Variants in HEATR9 observed in about 807,000 individuals in gnomAD.
HEATR9 encodes the protein protein HEATR9.
Under a neutral mutation model 68.2 loss-of-function variants are expected in HEATR9, and 54 were observed. The ratio of observed to expected loss-of-function variants is 0.79; its 90% CI spans 0.64 to 0.99. The LOEUF (loss-of-function observed/expected upper bound fraction) is 0.99, where lower values mean the gene tolerates loss of function less well. Among genes scored for constraint, HEATR9 ranks in the 50% least tolerant of loss-of-function variants. The probability of loss-of-function intolerance (pLI) is 0.00; values close to 1 mark genes in which losing one functional copy is unlikely to be tolerated. For missense variants in HEATR9, 662 were observed against 679.7 expected (o/e 0.97, Z 0.29); for synonymous variants, 241 against 253.5 (o/e 0.95, Z 0.47).
chr17:35,856,715 G>A lies in HEATR9; in HGVS notation c.1226+17C>T, dbSNP rs1351000161. 1 of 1,591,050 alleles carries A rather than the reference G, an allele frequency of 6.3e-7. No individual in the cohort carries two copies. The highest frequency in any genetic ancestry group is 2.2e-5 in the East Asian group (1 of 44,470). On this transcript the variant is annotated intron_variant, in intron 12 of 14. Coordinates refer to ENST00000604834, the MANE Select transcript of HEATR9 (RefSeq NM_152781.4). Reference sequence around the variant, plus strand: ...CACAGCCTAGGATTTGGCCCTGGCAGCTCCCAGGCCACTCACGCCTCCACC... The same window carrying A: ...CACAGCCTAGGATTTGGCCCTGGCAACTCCCAGGCCACTCACGCCTCCACC...
chr17:35,855,013 T>G lies in HEATR9; in HGVS notation c.*50A>C. 6.8e-7 allele frequency: 1 copy of G among 1,462,076 alleles called. No homozygotes were observed. Among genetic ancestry groups the G allele is most frequent in the Non-Finnish European group, 9.5e-7 (1 of 1,057,172 alleles). The allele number at this position is 1,462,076 out of a possible 1,614,324, so 90.6% of individuals were successfully genotyped here. A position where few individuals can be genotyped will look rare whatever the true frequency, so the allele number is the denominator to read the frequency against. ...TATAGATTGTTTTCTCATGGGAGCC[T>G]GAGAAGCATCTTCAGGGAGGGAGTC... On this transcript the variant is annotated 3_prime_UTR_variant, in exon 15 of 15. Transcript: ENST00000604834.
At chr17:35,868,458 G>C in intron 1 of HEATR9, 197 bp downstream of exon 1, 3 of 937,902 alleles carry the variant, frequency 3.2e-6, no homozygotes, top group Non-Finnish European at 4.5e-6. Context: ...TCCCATCTTA[G>C]AGATCCCTGT....
At chr17:35,862,472 A>G (rs1473767726) in intron 8 of HEATR9, among the ~76,000 whole-genome samples, 4 of 152,216 alleles carry the variant, frequency 2.6e-5, no homozygotes, top group East Asian at 1.9e-4. Context: ...TTTTACCATA[A>G]TAAGTTATTT....
chr17:35,864,568 C>A lies in HEATR9; in HGVS notation c.454-15G>T, dbSNP rs2088125183. 2 of 1,610,866 alleles carry A rather than the reference C, an allele frequency of 1.2e-6. No homozygotes were observed. The highest frequency in any genetic ancestry group is 2.2e-5 in the East Asian group (1 of 44,876). ...TTTGTGAGTTCCTGCCCATCCAAGG[C>A]AGCCAGTGGAAAGGAAGACAGAGAA... On this transcript the variant is annotated splice_polypyrimidine_tract_variant and intron_variant, in intron 4 of 14. Transcript: ENST00000604834.
At chr17:35,864,140 C>G in intron 6 of HEATR9, 106 bp downstream of exon 6, 2 of 883,242 alleles carry the variant, frequency 2.3e-6, no homozygotes, top group Non-Finnish European at 3.8e-6. Context: ...CTTACTGGAT[C>G]TGACCCGCCA....
At position 35,858,296 on chromosome 17, in the gene HEATR9, C is replaced by A; in HGVS notation, c.1056G>T (p.Met352Ile). The change falls in exon 11 of 15, where the codon ATG becomes ATT. Residue 352 changes from methionine (M) to isoleucine (I), a missense_variant. Coordinates refer to ENST00000604834, the MANE Select transcript of HEATR9 (RefSeq NM_152781.4). ...TCTGTTCCAGCCCAATGGTCTTGAG[C>A]ATTTGGGTGGCTTCAAAGCGGTCCT... is the stretch of plus-strand genomic sequence containing the variant. ...VLEDRFEATQ[M>I]LKTIGLEQIQ... 2 of 1,614,146 alleles carry A rather than the reference C, an allele frequency of 1.2e-6. No homozygotes were observed. Among genetic ancestry groups the A allele is most frequent in the Non-Finnish European group, 8.5e-7 (1 of 1,180,018 alleles).
intron 1 of HEATR9, among the ~76,000 whole-genome samples, chr17:35,868,406 G>A (rs2088285076): frequency 6.6e-6 from 1 of 152,204 alleles, no homozygotes; most frequent in African/African-American, 2.4e-5. Context: ...GTAAAGAGCA[G>A]GGTACAGGTG....
intron 2 of HEATR9, among the ~76,000 whole-genome samples, chr17:35,866,230 T>A (rs1289709112): frequency 6.6e-6 from 1 of 150,674 alleles, no homozygotes; most frequent in Non-Finnish European, 1.5e-5. Flanking sequence ...GGTTGCAGAT[T>A]TAGGAAGAAA....
At chr17:35,861,848 A>G (rs141088626) in intron 8 of HEATR9, among the ~76,000 whole-genome samples, 1,882 of 149,636 alleles carry the variant, frequency 0.013, 19 homozygotes, top group Non-Finnish European at 0.018. Flanking sequence ...ATACTACATA[A>G]TTTTCTTTTT....
At chr17:35,860,319 G>C (rs1235864255) in intron 8 of HEATR9, among the ~76,000 whole-genome samples, 1 of 146,980 alleles carries the variant, frequency 6.8e-6, no homozygotes, top group African/African-American at 2.5e-5. Flanking sequence ...ATGAACCTGG[G>C]AGGTGGAGCT....
intron 8 of HEATR9, among the ~76,000 whole-genome samples, chr17:35,862,681 A>T (rs1249858486): frequency 6.6e-6 from 1 of 152,202 alleles, no homozygotes; most frequent in African/African-American, 2.4e-5. Context: ...GAGTGTACTG[A>T]CTGTGTGTTG....
chr17:35,868,110 T>C (rs1306921685), intron 1 of HEATR9, among the ~76,000 whole-genome samples: 2 of 152,216 alleles, frequency 1.3e-5, no homozygotes, highest in East Asian at 1.9e-4. Context: ...AAGATGCTGA[T>C]GCTGCTGGTC....
intron 12 of HEATR9, 133 bp from the exon 13 acceptor site, chr17:35,856,357 T>C: frequency 6.3e-7 from 1 of 1,595,786 alleles, no homozygotes; most frequent in Non-Finnish European, 8.5e-7. Context: ...TTCTCTTGTT[T>C]CTTGGATCAG....
rs767321997 is a variant in HEATR9 at position 35,859,053 on chromosome 17, A to G, written c.774T>C (p.Asp258=). Residue 258 remains aspartate (D), a synonymous_variant, in exon 9 of 15, where the codon GAT becomes GAC. Coordinates refer to ENST00000604834, the MANE Select transcript of HEATR9 (RefSeq NM_152781.4). The part of the protein sequence containing the change: ...VSKDKRTQVG[D]EGKLVPVLQT... ...GTAGTACAGGCACCAGCTTGCCCTC[A>G]TCCCCGACTTGAGTCCTCTGTGAGG... 1.2e-6 allele frequency: 2 copies of G among 1,614,034 alleles called. No individual in the cohort carries two copies. Among genetic ancestry groups the G allele is most frequent in the African/African-American group, 1.3e-5 (1 of 74,936 alleles).
chr17:35,863,202 T>C, intron 7 of HEATR9, 77 bp from the exon 8 acceptor site: 1 of 1,586,376 alleles, frequency 6.3e-7, no homozygotes, highest in Non-Finnish European at 8.6e-7. Flanking sequence ...TGAACTCCAC[T>C]GTGCCATCGA....
In HEATR9 at chr17:35,868,445, G is replaced by C. The variant is rs1214500339; in HGVS notation, c.88+210C>G. 3 of 774,010 alleles carry C rather than the reference G, an allele frequency of 3.9e-6. No individual in the cohort carries two copies. In the African/African-American group the frequency reaches 5.2e-5, roughly 13 times the overall value. The allele number at this position is 774,010 out of a possible 1,614,324, so 47.9% of individuals were successfully genotyped here. ...GAGCAGAAGCTGGGGAGACACACAG[G>C]TGTCCCATCTTAGAGATCCCTGTAG... On this transcript the variant is annotated intron_variant, in intron 1 of 14. Coordinates refer to ENST00000604834, the MANE Select transcript of HEATR9 (RefSeq NM_152781.4).
chr17:35,861,748 A>T (rs2143932424), intron 8 of HEATR9, among the ~76,000 whole-genome samples: 1 of 152,226 alleles, frequency 6.6e-6, no homozygotes, highest in Middle Eastern at 3.4e-3. Flanking sequence ...ACTGTATTTA[A>T]CATTGCAACC....
intron 2 of HEATR9, among the ~76,000 whole-genome samples, chr17:35,866,102 G>A (rs573641959): frequency 6.6e-6 from 1 of 152,106 alleles, no homozygotes; most frequent in South Asian, 2.1e-4. Flanking sequence ...ACAGATCTGG[G>A]CAACAGGGAA....
At chr17:35,856,924 G>T (rs1281987888) in intron 11 of HEATR9, 119 bp from the exon 12 acceptor site, 2 of 906,156 alleles carry the variant, frequency 2.2e-6, no homozygotes, top group Non-Finnish European at 3.5e-6. Flanking sequence ...GCCTTAAGGA[G>T]CTCATAGTCT....
Sources: gnomAD v4.1 joint callset for allele counts (sites outside exome capture counted in the v4.1 genomes callset) on GRCh38, gnomAD v4.1.1 for gene constraint, MANE v1.5 for transcripts, NCBI Gene and HGNC (gene_info 2026-07-23, HGNC 2026-07-21) for gene names.